SLCO1A2: variants seen among roughly 807,000 people sequenced by gnomAD.
The protein encoded by SLCO1A2 is OATP-1.
In SLCO1A2, 67 loss-of-function variants were observed where a neutral mutation model predicts 69.0. The ratio of observed to expected loss-of-function variants is 0.97; its 90% CI spans 0.80 to 1.19. The LOEUF (loss-of-function observed/expected upper bound fraction) is 1.19. SLCO1A2 is among the 50% of genes most tolerant of loss of function. The pLI is 0.00. For synonymous variants in SLCO1A2, 260 were observed against 265.9 expected, an observed-to-expected ratio of 0.98 and a Z score of 0.22; for missense variants, 787 against 793.7, an observed-to-expected ratio of 0.99 and a Z score of 0.10.
chr12:21,384,682 A>C (rs567602614), intron 1 of SLCO1A2, among the ~76,000 whole-genome samples: 147 of 152,332 alleles, frequency 9.6e-4, no homozygotes, highest in African/African-American at 3.3e-3. Flanking sequence ...TGCATTAATA[A>C]ACTTTTTAAA....
chr12:21,332,979 A>G (rs1005416098), intron 2 of SLCO1A2, among the ~76,000 whole-genome samples: 3 of 152,132 alleles, frequency 2.0e-5, no homozygotes, highest in Non-Finnish European at 4.4e-5. Context: ...CATTCTTAAT[A>G]TGAATCAAAA....
chr12:21,286,324 G>C (rs1399738240), intron 12 of SLCO1A2, among the ~76,000 whole-genome samples: 2 of 148,664 alleles, frequency 1.3e-5, no homozygotes, highest in Non-Finnish European at 3.0e-5. Context: ...ACCTCTTTGA[G>C]GAGAACTACA....
Position 21,324,058 on chromosome 12 carries a change from AG to A in SLCO1A2, c.61-5136del, listed in dbSNP as rs572378514. Among the ~76,000 whole-genome samples the A allele has an allele frequency of 3.2e-4, 49 of 152,354 alleles. No homozygotes were observed. In the South Asian group the frequency reaches 1.0e-2, roughly 31 times the overall value. On this transcript the variant is annotated intron_variant, in intron 2 of 14. Coordinates refer to ENST00000683939, the MANE Select transcript of SLCO1A2 (RefSeq NM_001386879.1). The stretch of plus-strand genomic sequence containing the variant: ...CAGTTTCCTTGGAAGTAAACCAAGG[AG>A]AGATAAATAACATTAATATTTTGAC...
At chr12:21,373,748 T>C in intron 2 of SLCO1A2, 1 of 696,154 alleles carries the variant, frequency 1.4e-6, no homozygotes, top group Non-Finnish European at 2.6e-6. Flanking sequence ...TAATTTCTTC[T>C]ATATTAACCT....
chr12:21,270,597 T>C (rs1162701961), intron 14 of SLCO1A2, among the ~76,000 whole-genome samples: 1 of 151,778 alleles, frequency 6.6e-6, no homozygotes, highest in Non-Finnish European at 1.5e-5. Context: ...TTTTTCAGAC[T>C]TTCCTGAAAA....
At chr12:21,373,735 T>C (rs1939975266) in intron 2 of SLCO1A2, 1 of 700,978 alleles carries the variant, frequency 1.4e-6, no homozygotes, top group Non-Finnish European at 2.6e-6. Flanking sequence ...AATCAAAAGG[T>C]AGTAATTTCT....
At chr12:21,357,602 C>T (rs772484737) in intron 2 of SLCO1A2, among the ~76,000 whole-genome samples, 6 of 152,154 alleles carry the variant, frequency 3.9e-5, no homozygotes, top group Admixed American at 6.5e-5. Flanking sequence ...AAGGATTTAG[C>T]GTCCAATAGA....
intron 2 of SLCO1A2, among the ~76,000 whole-genome samples, chr12:21,350,995 A>T: frequency 6.6e-6 from 1 of 152,082 alleles, no homozygotes; most frequent in East Asian, 1.9e-4. Context: ...GTTATAAATG[A>T]GGAACTAGAG....
intron 12 of SLCO1A2, among the ~76,000 whole-genome samples, chr12:21,289,053 A>C (rs1365857438): frequency 6.6e-6 from 1 of 151,924 alleles, no homozygotes; most frequent in Non-Finnish European, 1.5e-5. Context: ...AATATATTTA[A>C]AATCAATACA....
chr12:21,377,125 C>T (rs1418437129), intron 1 of SLCO1A2, among the ~76,000 whole-genome samples: 3 of 152,046 alleles, frequency 2.0e-5, no homozygotes, highest in Admixed American at 6.6e-5. Flanking sequence ...TATTATTATG[C>T]ACTTCTTCCA....
intron 3 of SLCO1A2, 41 bp downstream of exon 3, chr12:21,318,741 G>T: frequency 6.4e-7 from 1 of 1,553,174 alleles, no homozygotes. Context: ...CCACAGATAA[G>T]ACAAAATACA....
At chr12:21,390,654 A>G (rs1206319430) in intron 1 of SLCO1A2, among the ~76,000 whole-genome samples, 1 of 152,162 alleles carries the variant, frequency 6.6e-6, no homozygotes, top group Non-Finnish European at 1.5e-5. Flanking sequence ...TTTTAAACCC[A>G]AATAACAGAA....
intron 12 of SLCO1A2, among the ~76,000 whole-genome samples, chr12:21,281,912 A>C (rs1190162454): frequency 1.3e-5 from 2 of 152,174 alleles, no homozygotes; most frequent in African/African-American, 4.8e-5. Flanking sequence ...ACAGATCAAT[A>C]AAAAGTAATG....
At chr12:21,299,909 T>C (rs1179646035) in intron 8 of SLCO1A2, among the ~76,000 whole-genome samples, 1 of 148,000 alleles carries the variant, frequency 6.8e-6, no homozygotes, top group African/African-American at 2.5e-5. Flanking sequence ...TATATACGTG[T>C]GTGTATATAT....
rs116763958 is a variant in SLCO1A2 at position 21,276,901 on chromosome 12, T to C, written c.1611-1477A>G. On this transcript the variant is annotated intron_variant, in intron 12 of 14. Transcript: ENST00000683939. ...CCAGCCCCACAGTTAGAACTTGAGT[T>C]CCAGCAAGCCTCGCCACCATGGGCA... Among the ~76,000 whole-genome samples, 856 of 152,332 alleles carry C rather than the reference T, an allele frequency of 5.6e-3. 9 individuals carry two copies. The highest frequency in any genetic ancestry group is 0.019 in the African/African-American group (803 of 41,592).
At chr12:21,384,992 C>T (rs143369578) in intron 1 of SLCO1A2, among the ~76,000 whole-genome samples, 3,040 of 152,128 alleles carry the variant, frequency 0.02, 46 homozygotes, top group Non-Finnish European at 0.027. Flanking sequence ...GTCTCGATCT[C>T]CTGACCTCGT....
Position 21,401,507 on chromosome 12 carries a change from T to A in SLCO1A2, c.-312+16375A>T, listed in dbSNP as rs138159954. Among the ~76,000 whole-genome samples the A allele has an allele frequency of 2.7e-3, 412 of 151,976 alleles. 9 individuals are homozygous for A. In the East Asian group the frequency reaches 0.074, roughly 27 times the overall value. On this transcript the variant is annotated intron_variant, in intron 1 of 4. Coordinates refer to the SLCO1A2 transcript ENST00000413682. ...GGACCAAAAAACCTCCATAATATTA[T>A]TAAAACCTTTATCTTTCCTAAATAA...
intron 1 of SLCO1A2, among the ~76,000 whole-genome samples, chr12:21,375,021 A>T (rs12308285): frequency 0.33 from 49,866 of 151,820 alleles, 11,038 homozygotes; most frequent in African/African-American, 0.64. Context: ...TCTCCCTATG[A>T]TGCCCAGGCT....
intron 12 of SLCO1A2, among the ~76,000 whole-genome samples, chr12:21,281,283 C>G (rs752250884): frequency 2.0e-5 from 3 of 152,004 alleles, no homozygotes; most frequent in Non-Finnish European, 4.4e-5. Context: ...AATCCCGTCT[C>G]TACTAAAAAT....
Sources: allele counts gnomAD v4.1 joint callset (sites outside exome capture counted in the v4.1 genomes callset), GRCh38; gene constraint gnomAD v4.1.1; transcripts MANE v1.5; gene names NCBI Gene and HGNC (gene_info 2026-07-23, HGNC 2026-07-21).